MGST1: variants seen among roughly 807,000 people sequenced by gnomAD.
The protein encoded by MGST1 is microsomal glutathione S-transferase 1, also known as glutathione S-transferase 12.
In MGST1, 5 loss-of-function variants were observed where a neutral mutation model predicts 8.9. The observed-to-expected ratio is 0.56, with a 90% CI of 0.29 to 1.19. The LOEUF (loss-of-function observed/expected upper bound fraction) is 1.19, where lower values mean the gene tolerates loss of function less well. MGST1 is among the 50% of genes most tolerant of loss of function. The pLI, the probability that MGST1 is intolerant of heterozygous loss-of-function variation, is 0.08. For missense variants in MGST1, 182 were observed against 187.4 expected (o/e 0.97, Z 0.17); for synonymous variants, 54 against 67.8 (o/e 0.80, Z 1.00).
At chr12:16,374,868 T>C (rs1940355039) in intron 3 of MGST1, among the ~76,000 whole-genome samples, 1 of 152,166 alleles carries the variant, frequency 6.6e-6, no homozygotes, top group Non-Finnish European at 1.5e-5. Context: ...TTTGTGCTTA[T>C]GTTTTATTTA....
At position 16,513,928 on chromosome 12, in the gene MGST1, G is replaced by T; in HGVS notation, n.483-75600G>T. 1 of 553,430 alleles carries T rather than the reference G, an allele frequency of 1.8e-6. No homozygotes were observed. Among genetic ancestry groups the T allele is most frequent in the South Asian group, 1.7e-5 (1 of 59,202 alleles). The allele number at this position is 553,430 out of a possible 1,614,324, so 34.3% of individuals were successfully genotyped here. A position where few individuals can be genotyped will look rare whatever the true frequency, so the allele number is the denominator to read the frequency against. On this transcript the variant is annotated intron_variant and non_coding_transcript_variant, in intron 4 of 4. Transcript: ENST00000538857. This position sits in a 1 kb window ranked among gnomAD's most constrained non-coding sequence, Gnocchi z 4.2. ...GCAGCTACAAGGTTATCGATACTAT[G>T]ACCGCAAGACTTGCGGTTTTGACTT...
chr12:16,550,741 T>A (rs146529658), intron 4 of MGST1: 1 of 153,972 alleles, frequency 6.5e-6, no homozygotes, highest in African/African-American at 2.4e-5. Context: ...TTAGTGAGAT[T>A]TGCTTTTCAA....
chr12:16,476,123 A>T (rs1941321530), intron 4 of MGST1, among the ~76,000 whole-genome samples: 1 of 152,170 alleles, frequency 6.6e-6, no homozygotes, highest in South Asian at 2.1e-4. Flanking sequence ...CAATAAAAAA[A>T]GTGGAAAGGA....
intron 1 of MGST1, among the ~76,000 whole-genome samples, chr12:16,421,106 A>C (rs1202209972): frequency 6.6e-6 from 1 of 152,086 alleles, no homozygotes; most frequent in Non-Finnish European, 1.5e-5. Flanking sequence ...AACCAGATGA[A>C]ATGATCCAGA....
At chr12:16,378,282 C>T (rs1478566647), downstream of MGST1, among the ~76,000 whole-genome samples, 1 of 152,036 alleles carries the variant, frequency 6.6e-6, no homozygotes, top group South Asian at 2.1e-4. Context: ...GGTTTTAGGT[C>T]TAACATGTAA....
intron 4 of MGST1, among the ~76,000 whole-genome samples, chr12:16,444,885 A>C (rs1202004563): frequency 2.0e-5 from 3 of 151,938 alleles, no homozygotes; most frequent in Non-Finnish European, 2.9e-5. Flanking sequence ...GCATGGGTCC[A>C]AGTGGCATAT....
At chr12:16,491,122 G>A (rs888050304) in intron 4 of MGST1, among the ~76,000 whole-genome samples, 8 of 152,104 alleles carry the variant, frequency 5.3e-5, no homozygotes, top group African/African-American at 7.2e-5. Context: ...AGCTCAGCTA[G>A]GGGTATAATT....
chr12:16,354,137 T>A, intron 1 of MGST1, 94 bp from the exon 2 acceptor site: 2 of 885,102 alleles, frequency 2.3e-6, no homozygotes, highest in Non-Finnish European at 3.4e-6. Flanking sequence ...AAGAACAGTA[T>A]AATTAATGCT....
At chr12:16,421,464 C>T (rs962331813) in intron 1 of MGST1, among the ~76,000 whole-genome samples, 2 of 152,130 alleles carry the variant, frequency 1.3e-5, no homozygotes, top group African/African-American at 4.8e-5. Context: ...CACTAATTCC[C>T]CAAATGGGAT....
At chr12:16,471,961 A>T (rs1049568761) in intron 4 of MGST1, among the ~76,000 whole-genome samples, 1 of 152,032 alleles carries the variant, frequency 6.6e-6, no homozygotes, top group African/African-American at 2.4e-5. Flanking sequence ...GTATGCACAC[A>T]TTGTCCGCTC....
At chr12:16,415,698 G>GTTCT (rs1182516748) in intron 1 of MGST1, among the ~76,000 whole-genome samples, 2 of 152,138 alleles carry the variant, frequency 1.3e-5, no homozygotes, top group African/African-American at 4.8e-5. Context: ...ATTGGTAACG[G>GTTCT]TTCTGATCAA....
intron 4 of MGST1, among the ~76,000 whole-genome samples, chr12:16,445,106 G>C (rs955993727): frequency 2.6e-5 from 4 of 151,528 alleles, no homozygotes; most frequent in Admixed American, 2.6e-4. Flanking sequence ...AGCATCCTGG[G>C]CTTGCTGTCT....
chr12:16,560,399 A>C lies in MGST1; in HGVS notation n.483-29129A>C. The C allele has an allele frequency of 6.2e-7, 1 of 1,610,098 alleles. No individual in the cohort carries two copies. Among genetic ancestry groups the C allele is most frequent in the Non-Finnish European group, 8.5e-7 (1 of 1,178,522 alleles). Reference sequence around the variant, plus strand: ...GTTAACCATTTCTTAGAGACCAAAAAGAGACCTGCTTACCTCTGATTACAA... The same window carrying C: ...GTTAACCATTTCTTAGAGACCAAAACGAGACCTGCTTACCTCTGATTACAA... On this transcript the variant is annotated intron_variant and non_coding_transcript_variant, in intron 4 of 4. Transcript: ENST00000538857. The surrounding 1 kb of genome is among the most constrained non-coding windows in gnomAD (Gnocchi z 5.0).
chr12:16,436,425 A>G (rs2900379), intron 1 of MGST1, among the ~76,000 whole-genome samples: 92,825 of 151,548 alleles, frequency 0.61, 28,828 homozygotes, highest in East Asian at 0.81. Context: ...GGTACTCTTC[A>G]TACTCTTAAG....
chr12:16,376,286 A>G (rs1940378761), exon 4 of MGST1: 2 of 506,588 alleles, frequency 3.9e-6, no homozygotes, highest in Non-Finnish European at 6.9e-6. Context: ...GGATTCAAGC[A>G]AAGATTATCC....
intron 4 of MGST1, among the ~76,000 whole-genome samples, chr12:16,484,099 C>A (rs1565462812): frequency 6.6e-6 from 1 of 152,130 alleles, no homozygotes; most frequent in African/African-American, 2.4e-5. Flanking sequence ...GCAAAAATAA[C>A]CCTTGTCAGA....
chr12:16,434,934 AAGCG>A (rs1411352422), intron 1 of MGST1, among the ~76,000 whole-genome samples: 1 of 152,044 alleles, frequency 6.6e-6, no homozygotes, highest in Non-Finnish European at 1.5e-5. Context: ...TTTGAAGGAG[AAGCG>A]ACATTTTTAG....
intron 4 of MGST1, among the ~76,000 whole-genome samples, chr12:16,562,477 C>T (rs2137351361): frequency 6.6e-6 from 1 of 152,248 alleles, no homozygotes; most frequent in East Asian, 1.9e-4. Flanking sequence ...GTAGTTTTCC[C>T]CCATTTCAAT....
rs377168068 is a variant in MGST1 at position 16,464,326 on chromosome 12, G to A, written n.482+80722G>A. Reference sequence around the variant, plus strand: ...TCCAAGCTTCATCTTTCTTTTCTCTGGCTGGTAGCAAATAGAGAAAAATTT... The same window carrying A: ...TCCAAGCTTCATCTTTCTTTTCTCTAGCTGGTAGCAAATAGAGAAAAATTT... On this transcript the variant is annotated intron_variant and non_coding_transcript_variant, in intron 4 of 4. Coordinates refer to the MGST1 transcript ENST00000538857. 1.6e-4 allele frequency among the ~76,000 whole-genome samples: 24 copies of A among 152,100 alleles called. No homozygotes were observed. In the East Asian group the frequency reaches 2.5e-3, roughly 16 times the overall value.
Sources: allele counts gnomAD v4.1 joint callset (sites outside exome capture counted in the v4.1 genomes callset), GRCh38; gene constraint gnomAD v4.1.1; non-coding constraint Gnocchi (gnomAD v3.1); transcripts MANE v1.5; gene names NCBI Gene and HGNC (gene_info 2026-07-23, HGNC 2026-07-21).